The following NAV2 variants were observed in gnomAD, a reference collection of about 807,000 sequenced individuals.
NAV2 encodes the protein helicase, APC down-regulated 1.
In NAV2, 54 loss-of-function variants were observed where a neutral mutation model predicts 223.2. The ratio of observed to expected loss-of-function variants is 0.24; its 90% CI spans 0.19 to 0.30. The LOEUF is 0.30. Ranked by LOEUF, NAV2 falls within the 10% of genes least tolerant of loss-of-function variation. The pLI, the probability that NAV2 is intolerant of heterozygous loss-of-function variation, is 1.00. For synonymous variants in NAV2, 1,279 were observed against 1,239.3 expected (o/e 1.03, Z -0.67); for missense variants, 2,806 against 3,147.5 (o/e 0.89, Z 2.60).
chr11:19,517,605 T>C (rs1470191083), intron 1 of NAV2, among the ~76,000 whole-genome samples: 1 of 152,198 alleles, frequency 6.6e-6, no homozygotes, highest in Non-Finnish European at 1.5e-5. Flanking sequence ...CATTCCAGAA[T>C]TTCAGGATAA....
At chr11:19,651,120 G>A (rs2135648201) in intron 1 of NAV2, among the ~76,000 whole-genome samples, 1 of 152,214 alleles carries the variant, frequency 6.6e-6, no homozygotes, top group Non-Finnish European at 1.5e-5. Context: ...CATCATCTGA[G>A]TCTCCGTTCA....
chr11:19,540,575 C>G (rs1159426880), intron 1 of NAV2, among the ~76,000 whole-genome samples: 1 of 152,194 alleles, frequency 6.6e-6, no homozygotes, highest in Non-Finnish European at 1.5e-5. Context: ...CTCCCCATCC[C>G]CTGCAGGGGC....
Position 19,846,323 on chromosome 11 carries a change from C to T in NAV2, c.438+3400C>T, listed in dbSNP as rs1355015753. ...TCTAGCCTCTGGGCAGCATCAACTC[C>T]TTGTCCTGTTGTACCTGGGGTGAAA... On this transcript the variant is annotated intron_variant, in intron 3 of 37. Coordinates refer to ENST00000349880, the MANE Select transcript of NAV2 (RefSeq NM_145117.5). 2.0e-5 allele frequency among the ~76,000 whole-genome samples: 3 copies of T among 152,298 alleles called. No individual in the cohort carries two copies. The East Asian group carries it at 5.8e-4, about 29-fold the overall frequency.
chr11:20,118,501 T>G lies in NAV2; in HGVS notation c.*243T>G, dbSNP rs1186429130. 1 of 444,122 alleles carries G rather than the reference T, an allele frequency of 2.3e-6. No individual in the cohort carries two copies. The highest frequency in any genetic ancestry group is 2.0e-5 in the African/African-American group (1 of 49,694). 27.5% of individuals were successfully genotyped at this position (444,122 alleles called of 1,614,324 possible). A position where few individuals can be genotyped will look rare whatever the true frequency, so the allele number is the denominator to read the frequency against. On this transcript the variant is annotated 3_prime_UTR_variant, in exon 38 of 38. Transcript: ENST00000349880. ...TTCTGTTGTACTTTAATTATTGTTT[T>G]GCCTTGTTGCTGTGACCTCCCTAAG...
chr11:20,033,496 G>A (rs1169965095), intron 11 of NAV2, among the ~76,000 whole-genome samples: 1 of 152,160 alleles, frequency 6.6e-6, no homozygotes. Context: ...GAACAGGATG[G>A]AGGGCTGGGC....
intron 1 of NAV2, among the ~76,000 whole-genome samples, chr11:19,564,744 C>G (rs1270637197): frequency 1.3e-5 from 2 of 152,224 alleles, no homozygotes; most frequent in Admixed American, 1.3e-4. Context: ...GTACCTCCCA[C>G]CGGGCTCCCC....
At chr11:19,893,300 A>G (rs913581567) in intron 6 of NAV2, among the ~76,000 whole-genome samples, 1 of 152,208 alleles carries the variant, frequency 6.6e-6, no homozygotes. Context: ...GGTAGTTTCA[A>G]AGATTATTCA....
intron 1 of NAV2, among the ~76,000 whole-genome samples, chr11:19,653,756 C>T (rs1565140514): frequency 6.6e-6 from 1 of 152,168 alleles, no homozygotes; most frequent in Non-Finnish European, 1.5e-5. Context: ...CTGCTATACC[C>T]ATTTTGCAGA....
At chr11:19,840,058 C>A (rs1169123492) in intron 2 of NAV2, among the ~76,000 whole-genome samples, 1 of 152,104 alleles carries the variant, frequency 6.6e-6, no homozygotes, top group Non-Finnish European at 1.5e-5. Flanking sequence ...TTTATGACAA[C>A]CATAGGAATT....
intron 1 of NAV2, among the ~76,000 whole-genome samples, chr11:19,602,515 C>T (rs940248000): frequency 2.0e-5 from 3 of 152,108 alleles, no homozygotes; most frequent in African/African-American, 7.2e-5. Context: ...TATTAGTTTC[C>T]TGGGGCTGCC....
chr11:19,815,128 G>C (rs1261952004), intron 1 of NAV2, among the ~76,000 whole-genome samples: 1 of 152,012 alleles, frequency 6.6e-6, no homozygotes, highest in Non-Finnish European at 1.5e-5. Context: ...AAAGGTGTAG[G>C]GAAAAAAACC....
At chr11:19,691,444 C>T (rs551541349) in intron 1 of NAV2, among the ~76,000 whole-genome samples, 1 of 152,290 alleles carries the variant, frequency 6.6e-6, no homozygotes, top group East Asian at 1.9e-4. Context: ...TCAATTCAGA[C>T]TTGCCACGTT....
At chr11:19,744,377 C>G (rs909178765) in intron 1 of NAV2, among the ~76,000 whole-genome samples, 8 of 152,194 alleles carry the variant, frequency 5.3e-5, no homozygotes, top group African/African-American at 1.7e-4. Flanking sequence ...CCTTCCATCT[C>G]CCTGTCCTAA....
chr11:19,602,226 G>A (rs1311108071), intron 1 of NAV2, among the ~76,000 whole-genome samples: 2 of 144,422 alleles, frequency 1.4e-5, no homozygotes, highest in African/African-American at 5.2e-5. Context: ...TGCCCAGGCT[G>A]GAATGCAGCG....
intron 33 of NAV2, 55 bp downstream of exon 33, chr11:20,103,464 T>TG (rs1218910623): frequency 6.3e-7 from 1 of 1,582,898 alleles, no homozygotes; most frequent in African/African-American, 1.3e-5. Context: ...TGCCAGCTGA[T>TG]GGGGCACTGT....
At chr11:19,768,467 G>C (rs528497825) in intron 1 of NAV2, among the ~76,000 whole-genome samples, 1 of 152,200 alleles carries the variant, frequency 6.6e-6, no homozygotes, top group East Asian at 1.9e-4. Context: ...CCTTTTCAAG[G>C]ATGGACTGGT....
chr11:19,998,133 T>C lies in NAV2; in HGVS notation c.2768+13886T>C, dbSNP rs532791321. On this transcript the variant is annotated intron_variant, in intron 11 of 37. Transcript: ENST00000349880. The surrounding 1 kb of genome is among the most constrained non-coding windows in gnomAD (Gnocchi z 5.0). Reference sequence around the variant, plus strand: ...AGACGTTTGCTATATTTTAGGTAATTAATATTATCCTAAGATAATTGATAA... The same window carrying C: ...AGACGTTTGCTATATTTTAGGTAATCAATATTATCCTAAGATAATTGATAA... Among the ~76,000 whole-genome samples the C allele has an allele frequency of 6.6e-6, 1 of 152,300 alleles. No individual in the cohort carries two copies. Among genetic ancestry groups the C allele is most frequent in the African/African-American group, 2.4e-5 (1 of 41,552 alleles).
chr11:19,623,471 C>G (rs2047070086), intron 1 of NAV2, among the ~76,000 whole-genome samples: 1 of 152,152 alleles, frequency 6.6e-6, no homozygotes, highest in African/African-American at 2.4e-5. Context: ...CTTCTTTTTA[C>G]TCTTTTTTCT....
chr11:19,940,721 A>G (rs969266774), intron 8 of NAV2, among the ~76,000 whole-genome samples: 1 of 152,154 alleles, frequency 6.6e-6, no homozygotes, highest in Non-Finnish European at 1.5e-5. Context: ...AACCTTACCC[A>G]TCTAGCAATT....
Sources: gnomAD v4.1 joint callset for allele counts (sites outside exome capture counted in the v4.1 genomes callset) on GRCh38, gnomAD v4.1.1 for gene constraint, Gnocchi (gnomAD v3.1) non-coding constraint, MANE v1.5 for transcripts, NCBI Gene and HGNC (gene_info 2026-07-23, HGNC 2026-07-21) for gene names.